Variants in KMT2C observed in about 807,000 individuals in gnomAD.
KMT2C encodes lysine methyltransferase 2C, also known as histone-lysine N-methyltransferase 2C.
A neutral mutation model predicts 507.9 loss-of-function variants in KMT2C; 88 were observed. That is an observed-to-expected ratio of 0.17 (90% CI 0.15 to 0.21). The LOEUF (loss-of-function observed/expected upper bound fraction) is 0.21, where lower values mean the gene tolerates loss of function less well. KMT2C is among the 10% of genes least tolerant of loss of function. The pLI is 1.00. For synonymous variants in KMT2C, 2,049 were observed against 2,080.8 expected (o/e 0.98, Z 0.42); for missense variants, 4,954 against 5,957.8 (o/e 0.83, Z 5.55).
rs559127496 is a variant in KMT2C, at chr7:152,335,924, T to G, written c.251-5185A>C. Among the ~76,000 whole-genome samples the G allele has an allele frequency of 2.6e-5, 4 of 152,098 alleles. No individual in the cohort carries two copies. The East Asian group carries it at 7.7e-4, about 29-fold the overall frequency. ...GACTATAGGGTTTTTTTGTTTTTTT[T>G]TTGTTTTTTAAGAAATAGGATCGGC... On this transcript the variant is annotated intron_variant, in intron 2 of 58. Transcript: ENST00000262189.
intron 2 of KMT2C, 34 bp from the exon 3 acceptor site, chr7:152,330,773 C>A: frequency 1.3e-6 from 2 of 1,599,306 alleles, no homozygotes; most frequent in South Asian, 1.1e-5. Flanking sequence ...AACAAAGAGT[C>A]ATTTTTGTGT....
intron 14 of KMT2C, among the ~76,000 whole-genome samples, chr7:152,241,432 C>T (rs2095381991): frequency 6.6e-6 from 1 of 152,266 alleles, no homozygotes; most frequent in Admixed American, 6.5e-5. Flanking sequence ...CCTTGTGATC[C>T]ACCAGCCTTG....
rs2094734602 is a variant in KMT2C, at chr7:152,220,595, C to T, written c.3640G>A (p.Val1214Met). The T allele has an allele frequency of 6.2e-7, 1 of 1,611,864 alleles. No individual in the cohort carries two copies. Among genetic ancestry groups the T allele is most frequent in the Non-Finnish European group, 8.5e-7 (1 of 1,179,778 alleles). ...TCTGGAGGGGTCTGAAGGACGGCCACGCTATTCTGATTTATAATCTTCAAT... is the reference window on the plus strand; with the variant it reads ...TCTGGAGGGGTCTGAAGGACGGCCATGCTATTCTGATTTATAATCTTCAAT... ...LKLKIINQNS[V>M]AVLQTPPDIQ... is the part of the protein sequence containing the mutation. The change falls in exon 23 of 59, where the codon GTG becomes ATG. Residue 1214 changes from valine (V) to methionine (M), a missense_variant. This residue lies in a region of KMT2C where 176 missense variants were observed against 262.0 expected (regional missense o/e 0.67). Coordinates refer to ENST00000262189, the MANE Select transcript of KMT2C (RefSeq NM_170606.3).
At chr7:152,324,178 C>A (rs1266465097) in intron 3 of KMT2C, among the ~76,000 whole-genome samples, 2 of 151,308 alleles carry the variant, frequency 1.3e-5, no homozygotes, top group South Asian at 2.1e-4. Context: ...AAGGTTGAGA[C>A]AGGAGGAATA....
chr7:152,331,410 T>C (rs1311556747), intron 2 of KMT2C, among the ~76,000 whole-genome samples: 1 of 151,776 alleles, frequency 6.6e-6, no homozygotes, highest in Middle Eastern at 3.4e-3. Context: ...TTGAGCCCAG[T>C]AGTTCAAGAC....
rs1178839266 is a variant in KMT2C at position 152,171,354 on chromosome 7, G to A, written c.9375-12C>T. The A allele has an allele frequency of 5.1e-6, 8 of 1,566,770 alleles. No homozygotes were observed. In the African/African-American group the frequency reaches 9.5e-5, roughly 19 times the overall value. ...CCATAAAAGGGAACCTGTCAAAACA[G>A]GGTACACAAGTATCAAGTGATGAGC... On this transcript the variant is annotated splice_polypyrimidine_tract_variant and intron_variant, in intron 39 of 58. Transcript: ENST00000262189.
intron 16 of KMT2C, among the ~76,000 whole-genome samples, chr7:152,230,588 T>C (rs1243269286): frequency 6.6e-6 from 1 of 152,224 alleles, no homozygotes; most frequent in African/African-American, 2.4e-5. Flanking sequence ...GACTTGATTA[T>C]GCAGAATTCT....
intron 1 of KMT2C, among the ~76,000 whole-genome samples, chr7:152,392,117 G>C (rs1433190372): frequency 6.6e-6 from 1 of 151,882 alleles, no homozygotes; most frequent in Non-Finnish European, 1.5e-5. Flanking sequence ...ATTTTTCTTT[G>C]CCTGCAGTGA....
At chr7:152,401,623 G>A (rs942668653) in intron 1 of KMT2C, among the ~76,000 whole-genome samples, 3 of 152,242 alleles carry the variant, frequency 2.0e-5, no homozygotes, top group East Asian at 1.9e-4. Flanking sequence ...CCTAGGAAGC[G>A]GAGGTTGCAG....
intron 33 of KMT2C, 101 bp downstream of exon 33, chr7:152,187,161 C>T: frequency 1.1e-6 from 1 of 892,878 alleles, no homozygotes; most frequent in Non-Finnish European, 1.8e-6. Context: ...TCATCATAGA[C>T]AAAAATTAGT....
Position 152,138,786 on chromosome 7 carries a change from A to T in KMT2C, c.14643+10T>A, listed in dbSNP as rs2129089166. 2 of 1,547,184 alleles carry T rather than the reference A, an allele frequency of 1.3e-6. No homozygotes were observed. The highest frequency in any genetic ancestry group is 1.8e-6 in the Non-Finnish European group (2 of 1,129,770). ...AACAACATGGCAGATGCAATCTCTC[A>T]CACTCTTACCTCTTCTCCTTTCTGG... is the stretch of plus-strand genomic sequence containing the variant. On this transcript the variant is annotated intron_variant, in intron 58 of 58. Coordinates refer to ENST00000262189, the MANE Select transcript of KMT2C (RefSeq NM_170606.3). This position sits in a 1 kb window ranked among gnomAD's most constrained non-coding sequence, Gnocchi z 4.2.
chr7:152,366,506 T>A (rs917659541), intron 1 of KMT2C, among the ~76,000 whole-genome samples: 8 of 151,838 alleles, frequency 5.3e-5, no homozygotes, highest in African/African-American at 1.5e-4. Flanking sequence ...GAAAAAAAAA[T>A]AGTGGATGAT....
intron 18 of KMT2C, among the ~76,000 whole-genome samples, chr7:152,226,210 T>C (rs891096645): frequency 1.3e-5 from 2 of 149,068 alleles, no homozygotes; most frequent in African/African-American, 5.0e-5. Flanking sequence ...TGGTTGTTCA[T>C]TACAAGGCCT....
chr7:152,140,342 G>A (rs1481934552), intron 55 of KMT2C, among the ~76,000 whole-genome samples: 2 of 152,114 alleles, frequency 1.3e-5, no homozygotes, highest in South Asian at 4.1e-4. Flanking sequence ...GAAGCTCTTG[G>A]GGAAGGTAAA....
chr7:152,144,475 G>T lies in KMT2C; in HGVS notation c.14343+238C>A, dbSNP rs914249069. Among the ~76,000 whole-genome samples the T allele has an allele frequency of 6.6e-6, 1 of 152,220 alleles. No homozygotes were observed. Among genetic ancestry groups the T allele is most frequent in the Non-Finnish European group, 1.5e-5 (1 of 68,048 alleles). ...CCTGCCTCCCAGGAGCTCTCAACAA[G>T]ATGCAAAGATGTGGATTCCACTGGT... On this transcript the variant is annotated intron_variant, in intron 55 of 58. Transcript: ENST00000262189. The surrounding 1 kb of genome is among the most constrained non-coding windows in gnomAD (Gnocchi z 4.4).
intron 1 of KMT2C, among the ~76,000 whole-genome samples, chr7:152,378,551 T>C (rs2097346873): frequency 6.6e-6 from 1 of 152,222 alleles, no homozygotes; most frequent in African/African-American, 2.4e-5. Flanking sequence ...TTACATGCAC[T>C]GGTAAACCAA....
At chr7:152,330,522 TCC>T in intron 3 of KMT2C, 77 bp downstream of exon 3, 9 of 1,379,844 alleles carry the variant, frequency 6.5e-6, no homozygotes, top group Non-Finnish European at 9.2e-6. Flanking sequence ...AAACTCATAC[TCC>T]TTGAATTTTC....
intron 1 of KMT2C, among the ~76,000 whole-genome samples, chr7:152,420,456 C>T (rs1031933425): frequency 4.6e-5 from 7 of 152,160 alleles, no homozygotes; most frequent in Non-Finnish European, 8.8e-5. Context: ...CTGCACAAAG[C>T]GGGAACTTCT....
At chr7:152,275,206 C>T (rs1276079840) in intron 6 of KMT2C, among the ~76,000 whole-genome samples, 1 of 152,148 alleles carries the variant, frequency 6.6e-6, no homozygotes, top group Non-Finnish European at 1.5e-5. Flanking sequence ...CATAACAAAG[C>T]TAAGTGACTC....
Sources: gnomAD v4.1 joint callset for allele counts (sites outside exome capture counted in the v4.1 genomes callset) on GRCh38, gnomAD v4.1.1 for gene constraint, gnomAD v4.1.1 regional missense constraint, Gnocchi (gnomAD v3.1) non-coding constraint, MANE v1.5 for transcripts, NCBI Gene and HGNC (gene_info 2026-07-23, HGNC 2026-07-21) for gene names.